The following ADCY2 variants were observed in gnomAD, a reference collection of about 807,000 sequenced individuals.
The protein encoded by ADCY2 is adenylate cyclase 2.
Under a neutral mutation model 125.2 loss-of-function variants are expected in ADCY2, and 31 were observed. The observed-to-expected ratio is 0.25, with a 90% CI of 0.19 to 0.33. The LOEUF (loss-of-function observed/expected upper bound fraction) is 0.33. Ranked by LOEUF, ADCY2 falls within the 10% of genes least tolerant of loss-of-function variation. The probability of loss-of-function intolerance (pLI) is 1.00; values close to 1 mark genes in which losing one functional copy is unlikely to be tolerated. For synonymous variants in ADCY2, 512 were observed against 548.4 expected (o/e 0.93, Z 0.93); for missense variants, 904 against 1,418.2 (o/e 0.64, Z 5.82).
chr5:7,706,762 T>G lies in ADCY2; in HGVS notation c.1128T>G (p.Thr376=). 6.2e-7 allele frequency: 1 copy of G among 1,614,228 alleles called. No individual in the cohort carries two copies. The highest frequency in any genetic ancestry group is 8.5e-7 in the Non-Finnish European group (1 of 1,180,028). The change falls in exon 8 of 25, where the codon ACT becomes ACG. Residue 376 remains threonine, a synonymous_variant. Coordinates refer to ENST00000338316, the MANE Select transcript of ADCY2 (RefSeq NM_020546.3). ...CEAIKKVRDA[T]GVDINMRVGV... is the part of the protein sequence containing the mutation. ...TCTTTAGGAAAGTGAGGGATGCTAC[T>G]GGAGTTGATATCAACATGCGCGTGG... is the stretch of plus-strand genomic sequence containing the variant.
chr5:7,688,377 C>T (rs892975877), intron 4 of ADCY2, among the ~76,000 whole-genome samples: 1 of 151,978 alleles, frequency 6.6e-6, no homozygotes, highest in Admixed American at 6.6e-5. Context: ...AAGTGATTCT[C>T]CTGCCTCAGC....
intron 3 of ADCY2, among the ~76,000 whole-genome samples, chr5:7,606,317 A>G (rs1737371942): frequency 6.6e-6 from 1 of 152,102 alleles, no homozygotes; most frequent in South Asian, 2.1e-4. Flanking sequence ...ATATGGAAAA[A>G]TTTTTTTTAA....
intron 3 of ADCY2, among the ~76,000 whole-genome samples, chr5:7,528,358 C>CA (rs558715373): frequency 2.4e-4 from 36 of 152,154 alleles, no homozygotes; most frequent in Admixed American, 1.5e-3. Flanking sequence ...ATTTCTAGAA[C>CA]AAAAATACAA....
At chr5:7,795,773 C>T (rs1043705625) in intron 20 of ADCY2, 1 of 152,184 alleles carries the variant, frequency 6.6e-6, no homozygotes, top group Non-Finnish European at 1.5e-5. Context: ...ATATCACTAT[C>T]AAGCGAGTCA....
intron 23 of ADCY2, among the ~76,000 whole-genome samples, chr5:7,819,036 T>G (rs1481944582): frequency 6.6e-6 from 1 of 152,102 alleles, no homozygotes; most frequent in Non-Finnish European, 1.5e-5. Flanking sequence ...CTAAAGAACT[T>G]GGAGTCTGAT....
At chr5:7,556,111 T>C (rs2126580645) in intron 3 of ADCY2, among the ~76,000 whole-genome samples, 1 of 152,254 alleles carries the variant, frequency 6.6e-6, no homozygotes, top group South Asian at 2.1e-4. Flanking sequence ...AAGAATATAA[T>C]TTATGTAACC....
chr5:7,539,249 C>A (rs920641326), intron 3 of ADCY2, among the ~76,000 whole-genome samples: 1 of 151,932 alleles, frequency 6.6e-6, no homozygotes, highest in Non-Finnish European at 1.5e-5. Context: ...TAAGATAATT[C>A]ATTACATTGA....
chr5:7,429,524 G>A (rs1026403518), intron 2 of ADCY2, among the ~76,000 whole-genome samples: 2 of 152,220 alleles, frequency 1.3e-5, no homozygotes, highest in African/African-American at 4.8e-5. Flanking sequence ...GCAACAAAGT[G>A]TTGCTGAGTT....
At chr5:7,646,340 T>C (rs1440638549) in intron 4 of ADCY2, among the ~76,000 whole-genome samples, 1 of 150,480 alleles carries the variant, frequency 6.6e-6, no homozygotes, top group African/African-American at 2.4e-5. Flanking sequence ...AATATATATA[T>C]ATATAGTACA....
intron 2 of ADCY2, among the ~76,000 whole-genome samples, chr5:7,502,473 G>A (rs369072639): frequency 6.6e-6 from 1 of 152,196 alleles, no homozygotes; most frequent in African/African-American, 2.4e-5. Context: ...AGGACAGAGA[G>A]GCAGGCTTCA....
chr5:7,585,257 GC>G (rs559563787), intron 3 of ADCY2, among the ~76,000 whole-genome samples: 122 of 152,220 alleles, frequency 8.0e-4, no homozygotes, highest in African/African-American at 2.7e-3. Context: ...ATCAAGATGA[GC>G]ATTCCCTGTC....
chr5:7,744,555 A>G (rs1352425571), intron 15 of ADCY2, among the ~76,000 whole-genome samples: 1 of 152,256 alleles, frequency 6.6e-6, no homozygotes, highest in Non-Finnish European at 1.5e-5. Context: ...TAAAATTGAA[A>G]GTCTAAAGCA....
At chr5:7,733,450 A>C (rs999519096) in intron 14 of ADCY2, among the ~76,000 whole-genome samples, 1 of 152,142 alleles carries the variant, frequency 6.6e-6, no homozygotes, top group Non-Finnish European at 1.5e-5. Flanking sequence ...CAACTGGAAA[A>C]AATGCTGCCA....
intron 12 of ADCY2, among the ~76,000 whole-genome samples, chr5:7,719,518 C>T (rs1205931481): frequency 6.6e-6 from 1 of 152,140 alleles, no homozygotes; most frequent in African/African-American, 2.4e-5. Context: ...CTTGATGTAC[C>T]ATTCACTTGT....
chr5:7,407,550 C>A (rs1030574289), intron 1 of ADCY2, among the ~76,000 whole-genome samples: 1 of 152,114 alleles, frequency 6.6e-6, no homozygotes, highest in African/African-American at 2.4e-5. Flanking sequence ...GACACACAGC[C>A]AAACCGTATC....
Position 7,732,694 on chromosome 5 carries a change from C to T in ADCY2, c.1871+5433C>T, listed in dbSNP as rs9313202. On this transcript the variant is annotated intron_variant, in intron 14 of 24. Transcript: ENST00000338316. ...TTGTTTCATTTGTTTAGCTTTCTTT[C>T]TGGTAAATTGCCTCATGTGTTTTTG... 3.9e-5 allele frequency among the ~76,000 whole-genome samples: 6 copies of T among 152,290 alleles called. No homozygotes were observed. In the East Asian group the frequency reaches 1.2e-3, roughly 29 times the overall value.
intron 3 of ADCY2, among the ~76,000 whole-genome samples, chr5:7,575,798 CA>C (rs1736227708): frequency 6.6e-6 from 1 of 151,750 alleles, no homozygotes; most frequent in South Asian, 2.1e-4. Flanking sequence ...GTTCTAACAC[CA>C]ATGCTAAAAA....
At chr5:7,705,569 G>A (rs529273892) in intron 7 of ADCY2, among the ~76,000 whole-genome samples, 2 of 152,252 alleles carry the variant, frequency 1.3e-5, no homozygotes, top group South Asian at 2.1e-4. Context: ...GGGACACCCC[G>A]GTGCTGGGTG....
intron 2 of ADCY2, among the ~76,000 whole-genome samples, chr5:7,486,736 T>G (rs1250844962): frequency 6.6e-6 from 1 of 152,134 alleles, no homozygotes; most frequent in Non-Finnish European, 1.5e-5. Flanking sequence ...AAAAAAATAC[T>G]GACTTTGGAG....
Sources: allele counts gnomAD v4.1 joint callset (sites outside exome capture counted in the v4.1 genomes callset), GRCh38; gene constraint gnomAD v4.1.1; transcripts MANE v1.5; gene names NCBI Gene and HGNC (gene_info 2026-07-23, HGNC 2026-07-21).